The following PAPPA variants were observed in gnomAD, a reference collection of about 807,000 sequenced individuals.
The protein encoded by PAPPA is pappalysin-1.
A neutral mutation model predicts 164.0 loss-of-function variants in PAPPA; 60 were observed. The observed-to-expected ratio is 0.37, with a 90% CI of 0.30 to 0.45. The LOEUF (loss-of-function observed/expected upper bound fraction) is 0.45. PAPPA is among the 20% of genes least tolerant of loss of function. The pLI, the probability that PAPPA is intolerant of heterozygous loss-of-function variation, is 1.00. For missense variants in PAPPA, 1,782 were observed against 2,087.3 expected (o/e 0.85, Z 2.85); for synonymous variants, 875 against 814.1 (o/e 1.07, Z -1.27).
At chr9:116,364,397 G>A (rs897637655) in intron 18 of PAPPA, among the ~76,000 whole-genome samples, 5 of 152,002 alleles carry the variant, frequency 3.3e-5, no homozygotes, top group South Asian at 4.1e-4. Context: ...ATACATAAAC[G>A]CATGCCACAT....
Position 116,203,472 on chromosome 9 carries a change from C to T in PAPPA, c.1479-3984C>T, listed in dbSNP as rs188433234. On this transcript the variant is annotated intron_variant, in intron 2 of 21. Transcript: ENST00000328252. ...CATTACCTGATGGAAAAGACAGATG[C>T]TCACACAGTGAATATAACCCAAAGC... is the stretch of plus-strand genomic sequence containing the variant. 2.0e-5 allele frequency among the ~76,000 whole-genome samples: 3 copies of T among 152,232 alleles called. No individual in the cohort carries two copies. In the East Asian group the frequency reaches 5.8e-4, roughly 29 times the overall value.
intron 2 of PAPPA, among the ~76,000 whole-genome samples, chr9:116,204,001 T>G (rs1844202069): frequency 1.3e-5 from 2 of 152,182 alleles, no homozygotes; most frequent in African/African-American, 4.8e-5. Context: ...CACTGAAAGC[T>G]GAGACTGGGA....
At chr9:116,345,493 G>A (rs1446251808) in intron 14 of PAPPA, among the ~76,000 whole-genome samples, 3 of 150,670 alleles carry the variant, frequency 2.0e-5, no homozygotes, top group Non-Finnish European at 4.4e-5. Flanking sequence ...TTCTTTTTCT[G>A]TACTCACCCA....
chr9:116,208,040 C>T (rs1382928955), intron 3 of PAPPA, among the ~76,000 whole-genome samples: 1 of 152,174 alleles, frequency 6.6e-6, no homozygotes, highest in East Asian at 1.9e-4. Context: ...TTAAAAGACA[C>T]CAAAGAGGCA....
intron 1 of PAPPA, among the ~76,000 whole-genome samples, chr9:116,173,639 T>C (rs1257365163): frequency 2.6e-5 from 4 of 152,170 alleles, no homozygotes; most frequent in Non-Finnish European, 5.9e-5. Context: ...AAAGCAAATA[T>C]CTTTCTCATC....
intron 10 of PAPPA, among the ~76,000 whole-genome samples, chr9:116,310,924 A>G (rs1415022394): frequency 6.6e-6 from 1 of 152,200 alleles, no homozygotes; most frequent in Non-Finnish European, 1.5e-5. Flanking sequence ...GTATTTGTCA[A>G]GGATGAGACA....
intron 4 of PAPPA, among the ~76,000 whole-genome samples, chr9:116,216,292 G>A (rs1213351584): frequency 6.6e-6 from 1 of 152,124 alleles, no homozygotes; most frequent in African/African-American, 2.4e-5. Flanking sequence ...TGGCTGACGG[G>A]GGGTCAGCAT....
chr9:116,240,743 T>C (rs1844726154), intron 7 of PAPPA, among the ~76,000 whole-genome samples: 1 of 152,204 alleles, frequency 6.6e-6, no homozygotes, highest in Non-Finnish European at 1.5e-5. Flanking sequence ...AGTTTACAGC[T>C]ATCAAGGGGC....
chr9:116,320,562 A>G (rs1165802390), intron 10 of PAPPA, among the ~76,000 whole-genome samples: 1 of 152,212 alleles, frequency 6.6e-6, no homozygotes, highest in Admixed American at 6.5e-5. Flanking sequence ...TCATATTGAA[A>G]GAAACGCAAA....
chr9:116,296,230 G>C (rs780403131), intron 9 of PAPPA, among the ~76,000 whole-genome samples: 1 of 152,152 alleles, frequency 6.6e-6, no homozygotes, highest in Non-Finnish European at 1.5e-5. Context: ...CTATAAGAAG[G>C]TGCCTCTGTT....
intron 7 of PAPPA, among the ~76,000 whole-genome samples, chr9:116,255,399 A>T (rs1485327291): frequency 6.6e-6 from 1 of 152,102 alleles, no homozygotes; most frequent in African/African-American, 2.4e-5. Flanking sequence ...AAAATTTGGT[A>T]AAGTAACTAA....
In PAPPA at chr9:116,187,643, A is replaced by T; in HGVS notation, c.905A>T (p.Asp302Val). Residue 302 changes from aspartate to valine, a missense_variant, in exon 2 of 22, where the codon GAT becomes GTT. Transcript: ENST00000328252. This position sits in a 1 kb window ranked among gnomAD's most constrained non-coding sequence, Gnocchi z 4.2. ...NVKHAWSPMK[D>V]GSSPKVEFSN... ...AAGCATGCCTGGTCCCCCATGAAGG[A>T]TGGCAGCAGCCCCAAAGTGGAATTC... is the stretch of plus-strand genomic sequence containing the variant. 1.2e-6 allele frequency: 2 copies of T among 1,614,218 alleles called. No homozygotes were observed. Among genetic ancestry groups the T allele is most frequent in the Non-Finnish European group, 1.7e-6 (2 of 1,180,032 alleles).
At chr9:116,294,079 G>A (rs1016006481) in intron 9 of PAPPA, among the ~76,000 whole-genome samples, 4 of 152,214 alleles carry the variant, frequency 2.6e-5, no homozygotes, top group Non-Finnish European at 5.9e-5. Context: ...AGCCAGTTTT[G>A]AGTGTGTAAG....
chr9:116,216,480 G>A (rs545013415), intron 4 of PAPPA, among the ~76,000 whole-genome samples: 65 of 152,266 alleles, frequency 4.3e-4, no homozygotes, highest in Non-Finnish European at 6.2e-4. Context: ...CTGAAGTCCC[G>A]AAGTTCTTTC....
intron 19 of PAPPA, among the ~76,000 whole-genome samples, chr9:116,374,165 TG>T (rs1321027933): frequency 6.8e-6 from 1 of 146,796 alleles, no homozygotes; most frequent in African/African-American, 2.5e-5. Flanking sequence ...GTGTTGGTGG[TG>T]GTGTTGATGA....
intron 21 of PAPPA, among the ~76,000 whole-genome samples, chr9:116,384,327 G>A (rs1189228200): frequency 1.3e-5 from 2 of 149,372 alleles, no homozygotes; most frequent in African/African-American, 4.9e-5. Flanking sequence ...GGAGGCACAG[G>A]TCTGTAGTCC....
rs531936755 is a variant in PAPPA at position 116,388,794 on chromosome 9, T to G, written c.4776+6301T>G. 5.3e-5 allele frequency among the ~76,000 whole-genome samples: 8 copies of G among 152,268 alleles called. No individual in the cohort carries two copies. In the South Asian group the frequency reaches 1.0e-3, roughly 20 times the overall value. On this transcript the variant is annotated intron_variant, in intron 21 of 21. Transcript: ENST00000328252. Reference sequence around the variant, plus strand: ...AGAAGAGGTTAATCCCAGAAACACATCTCAGCACAGGATGGTGCACCCAAT... The same window carrying G: ...AGAAGAGGTTAATCCCAGAAACACAGCTCAGCACAGGATGGTGCACCCAAT...
At chr9:116,188,426 A>G (rs1844004954) in intron 2 of PAPPA, among the ~76,000 whole-genome samples, 1 of 152,184 alleles carries the variant, frequency 6.6e-6, no homozygotes, top group Non-Finnish European at 1.5e-5. Flanking sequence ...AGTGCCTACC[A>G]TGAGTCATGA....
intron 5 of PAPPA, among the ~76,000 whole-genome samples, chr9:116,222,548 T>C (rs1370404463): frequency 6.6e-6 from 1 of 151,984 alleles, no homozygotes; most frequent in African/African-American, 2.4e-5. Flanking sequence ...TTCAACAAAA[T>C]GAATGAACCT....
Sources: allele counts gnomAD v4.1 joint callset (sites outside exome capture counted in the v4.1 genomes callset), GRCh38; gene constraint gnomAD v4.1.1; non-coding constraint Gnocchi (gnomAD v3.1); transcripts MANE v1.5; gene names NCBI Gene and HGNC (gene_info 2026-07-23, HGNC 2026-07-21).